The following PATJ variants were observed in gnomAD, a reference collection of about 807,000 sequenced individuals.
PATJ encodes the protein inaD-like protein.
Under a neutral mutation model 224.9 loss-of-function variants are expected in PATJ, and 190 were observed. The ratio of observed to expected loss-of-function variants is 0.84; its 90% CI spans 0.75 to 0.95. The LOEUF is 0.95. PATJ is among the 40% of genes least tolerant of loss of function. The pLI, the probability that PATJ is intolerant of heterozygous loss-of-function variation, is 0.00. For synonymous variants in PATJ, 769 were observed against 820.3 expected (o/e 0.94, Z 1.07); for missense variants, 2,121 against 2,270.3 (o/e 0.93, Z 1.34).
Position 62,158,493 on chromosome 1 carries a change from G to A in PATJ, c.5503-2415G>A, listed in dbSNP as rs571324246. On this transcript the variant is annotated intron_variant, in intron 43 of 43. Transcript: ENST00000642238. The stretch of plus-strand genomic sequence containing the variant: ...CCAGCACTTTGGGAGGCCAAGGTGG[G>A]CGGATCACGAGGTCAGGAGATTGAG... Among the ~76,000 whole-genome samples the A allele has an allele frequency of 8.4e-4, 125 of 148,878 alleles. 2 individuals are homozygous for A. The highest frequency in any genetic ancestry group is 2.9e-3 in the African/African-American group (121 of 41,300).
At chr1:61,950,311 G>T (rs756552589) in intron 27 of PATJ, among the ~76,000 whole-genome samples, 1 of 152,128 alleles carries the variant, frequency 6.6e-6, no homozygotes, top group South Asian at 2.1e-4. Flanking sequence ...CTAATTTTAC[G>T]TTGAGGAGGC....
At chr1:62,136,015 ATTTTTTTTTTTTTTT>A (rs374594803) in intron 41 of PATJ, among the ~76,000 whole-genome samples, 1 of 63,880 alleles carries the variant, frequency 1.6e-5, no homozygotes, top group Non-Finnish European at 2.7e-5. Context: ...AGACCATTAG[ATTTTTTTTTTTTTTT>A]TTTTTTTTTT....
At chr1:61,755,432 A>G (rs1645586390) in intron 1 of PATJ, among the ~76,000 whole-genome samples, 1 of 152,182 alleles carries the variant, frequency 6.6e-6, no homozygotes, top group African/African-American at 2.4e-5. Flanking sequence ...ATATGTTTAT[A>G]ATTATTTAAA....
chr1:61,795,815 G>A (rs1242537773), intron 10 of PATJ, among the ~76,000 whole-genome samples: 3 of 152,040 alleles, frequency 2.0e-5, no homozygotes, highest in African/African-American at 4.8e-5. Context: ...ATGTTTGAAA[G>A]ATGTTCTAGC....
chr1:62,135,485 C>T (rs1206410555), intron 41 of PATJ, among the ~76,000 whole-genome samples: 1 of 146,018 alleles, frequency 6.8e-6, no homozygotes, highest in Non-Finnish European at 1.5e-5. Context: ...CACTGCACTC[C>T]ATCCTGGGTG....
At chr1:61,760,963 G>T (rs1178956799) in intron 1 of PATJ, among the ~76,000 whole-genome samples, 2 of 151,504 alleles carry the variant, frequency 1.3e-5, no homozygotes, top group Non-Finnish European at 2.9e-5. Context: ...GAGATCATTT[G>T]TACAGCTTGG....
chr1:61,826,054 C>T (rs1025625957), intron 15 of PATJ, among the ~76,000 whole-genome samples: 1 of 152,178 alleles, frequency 6.6e-6, no homozygotes. Context: ...AGCTTGCTGT[C>T]GCCTAGACCT....
chr1:62,019,157 A>G (rs908463650), intron 29 of PATJ, among the ~76,000 whole-genome samples: 3 of 150,482 alleles, frequency 2.0e-5, no homozygotes, highest in Admixed American at 6.7e-5. Flanking sequence ...AGGCAAGAGA[A>G]TTGGTTGAAC....
At chr1:62,051,193 A>G in intron 31 of PATJ, 135 bp downstream of exon 31, 1 of 673,236 alleles carries the variant, frequency 1.5e-6, no homozygotes. Flanking sequence ...AGAAGCTATT[A>G]TATGTAGTGA....
chr1:61,848,534 C>T (rs2148873143), intron 17 of PATJ, among the ~76,000 whole-genome samples: 1 of 152,222 alleles, frequency 6.6e-6, no homozygotes, highest in South Asian at 2.1e-4. Context: ...CCCAGTTCCT[C>T]CTTTTGCCTA....
At chr1:62,154,607 TC>T (rs1268040090) in intron 43 of PATJ, among the ~76,000 whole-genome samples, 1 of 139,952 alleles carries the variant, frequency 7.1e-6, no homozygotes, top group African/African-American at 2.7e-5. Context: ...GTTGCCATGA[TC>T]CCAGATGATG....
chr1:61,829,076 T>A (rs1658849601), intron 16 of PATJ, among the ~76,000 whole-genome samples: 2 of 152,192 alleles, frequency 1.3e-5, no homozygotes, highest in South Asian at 4.1e-4. Flanking sequence ...TGCCAGTCCA[T>A]CCGTTTTTGT....
chr1:61,897,564 C>T (rs1670557620), intron 22 of PATJ, among the ~76,000 whole-genome samples: 1 of 152,122 alleles, frequency 6.6e-6, no homozygotes, highest in South Asian at 2.1e-4. Context: ...CCAATTTCAC[C>T]TGTGAATTCT....
chr1:61,847,814 G>C (rs2799629), intron 17 of PATJ, among the ~76,000 whole-genome samples: 110,044 of 152,140 alleles, frequency 0.72, 41,171 homozygotes, highest in East Asian at 0.88. Context: ...CTGTTCTCGT[G>C]ATTTTAATTC....
At chr1:62,111,429 G>A (rs1270903761) in intron 34 of PATJ, among the ~76,000 whole-genome samples, 1 of 152,166 alleles carries the variant, frequency 6.6e-6, no homozygotes, top group Non-Finnish European at 1.5e-5. Flanking sequence ...TCAATTCCTT[G>A]TAAAATACCA....
chr1:61,772,431 C>G (rs1347861959), intron 6 of PATJ, among the ~76,000 whole-genome samples: 1 of 151,988 alleles, frequency 6.6e-6, no homozygotes, highest in Non-Finnish European at 1.5e-5. Flanking sequence ...AAGTGTATGT[C>G]TCTTTTGGGA....
intron 27 of PATJ, among the ~76,000 whole-genome samples, chr1:61,977,912 T>G (rs1369574959): frequency 2.6e-5 from 4 of 151,652 alleles, no homozygotes; most frequent in Non-Finnish European, 5.9e-5. Context: ...TAAAAAAATT[T>G]TTTTAATAAA....
chr1:61,841,808 C>T (rs1448228721), intron 17 of PATJ, among the ~76,000 whole-genome samples: 1 of 151,994 alleles, frequency 6.6e-6, no homozygotes, highest in Non-Finnish European at 1.5e-5. Flanking sequence ...CTACTTTTTG[C>T]CCATCCCTGA....
At chr1:61,836,808 A>G (rs1660250677) in intron 17 of PATJ, among the ~76,000 whole-genome samples, 1 of 152,246 alleles carries the variant, frequency 6.6e-6, no homozygotes, top group Non-Finnish European at 1.5e-5. Flanking sequence ...TGCATTCAGC[A>G]TGTCCTGTAT....
Sources: gnomAD v4.1 joint callset for allele counts (sites outside exome capture counted in the v4.1 genomes callset) on GRCh38, gnomAD v4.1.1 for gene constraint, MANE v1.5 for transcripts, NCBI Gene and HGNC (gene_info 2026-07-23, HGNC 2026-07-21) for gene names.